C3orf18: variants seen among roughly 807,000 people sequenced by gnomAD.
The protein encoded by C3orf18 is uncharacterized protein C3orf18.
Under a neutral mutation model 14.1 loss-of-function variants are expected in C3orf18, and 12 were observed. That is an observed-to-expected ratio of 0.85 (90% confidence interval 0.55 to 1.38). The LOEUF (loss-of-function observed/expected upper bound fraction) is 1.38. Among genes scored for constraint, C3orf18 ranks in the 40% most tolerant of loss-of-function variants. The pLI, the probability that C3orf18 is intolerant of heterozygous loss-of-function variation, is 0.00. For missense variants in C3orf18, 196 were observed against 213.9 expected, an observed-to-expected ratio of 0.92 and a Z score of 0.52; for synonymous variants, 82 against 87.9, an observed-to-expected ratio of 0.93 and a Z score of 0.38.
chr3:50,571,330 A>G, upstream of C3orf18: 1 of 1,582,976 alleles, frequency 6.3e-7, no homozygotes, highest in Non-Finnish European at 8.6e-7. Context: ...TGGAGCCAAA[A>G]CAGTTAAGTT....
chr3:50,564,294 C>T (rs914945464), intron 3 of C3orf18, among the ~76,000 whole-genome samples: 17 of 152,240 alleles, frequency 1.1e-4, no homozygotes, highest in African/African-American at 4.1e-4. Context: ...TCCAGTGGTC[C>T]CTCAGTGACA....
At position 50,560,766 on chromosome 3, in the gene C3orf18, C is replaced by T. The variant is rs61455710; in HGVS notation, c.408+151G>A. On this transcript the variant is annotated intron_variant, in intron 5 of 5. Coordinates refer to ENST00000357203, the MANE Select transcript of C3orf18 (RefSeq NM_016210.5). ...GGGTGGCCCCAGAGCAATATGACCACTTTCTGAACAAATCTGGAAAAAGCC... is the reference window on the plus strand; with the variant it reads ...GGGTGGCCCCAGAGCAATATGACCATTTTCTGAACAAATCTGGAAAAAGCC... 6,120 of 894,140 alleles carry T rather than the reference C, an allele frequency of 6.8e-3. 279 individuals are homozygous for T. In the African/African-American group the frequency reaches 0.09, roughly 13 times the overall value. 55.4% of individuals were successfully genotyped at this position (894,140 alleles called of 1,614,324 possible). A position where few individuals can be genotyped will look rare whatever the true frequency, so the allele number is the denominator to read the frequency against.
At chr3:50,561,394 C>A (rs1356769488) in intron 4 of C3orf18, among the ~76,000 whole-genome samples, 1 of 152,146 alleles carries the variant, frequency 6.6e-6, no homozygotes, top group Non-Finnish European at 1.5e-5. Flanking sequence ...GACTGGGGAG[C>A]CAGTAGCAGT....
In C3orf18 at chr3:50,565,431, C is replaced by T. The variant is rs1381651532; in HGVS notation, c.234+35G>A. 2.0e-6 allele frequency: 3 copies of T among 1,471,778 alleles called. No homozygotes were observed. In the South Asian group the frequency reaches 3.4e-5, roughly 17 times the overall value. The allele number at this position is 1,471,778 out of a possible 1,614,324, so 91.2% of individuals were successfully genotyped here. ...ATTAGGTTCTCTATAAATCTAAACA[C>T]TGATTATCCTCCCCCAGCCTACCCC... On this transcript the variant is annotated intron_variant, in intron 3 of 5. Coordinates refer to ENST00000357203, the MANE Select transcript of C3orf18 (RefSeq NM_016210.5). This position sits in a 1 kb window ranked among gnomAD's most constrained non-coding sequence, Gnocchi z 4.4.
In C3orf18 at chr3:50,562,957, C is replaced by T. The variant is rs150764102; in HGVS notation, c.235-1210G>A. Reference sequence around the variant, plus strand: ...GTAAGACTTGGGGGACCACCTTGGGCGGGGAATCCAGGGACTTCTGCCATC... The same window carrying T: ...GTAAGACTTGGGGGACCACCTTGGGTGGGGAATCCAGGGACTTCTGCCATC... On this transcript the variant is annotated intron_variant, in intron 3 of 5. Transcript: ENST00000357203. 6.1e-3 allele frequency among the ~76,000 whole-genome samples: 933 copies of T among 152,186 alleles called. 5 individuals are homozygous for T. Among genetic ancestry groups the T allele is most frequent in the Non-Finnish European group, 0.01 (699 of 67,978 alleles).
At position 50,559,185 on chromosome 3, in the gene C3orf18, C is replaced by T. The variant is rs774959182; in HGVS notation, c.*472G>A. 37 of 1,289,880 alleles carry T rather than the reference C, an allele frequency of 2.9e-5. No individual in the cohort carries two copies. Among genetic ancestry groups the T allele is most frequent in the Admixed American group, 2.5e-4 (11 of 43,524 alleles). The allele number at this position is 1,289,880 out of a possible 1,614,324, so 79.9% of individuals were successfully genotyped here. On this transcript the variant is annotated 3_prime_UTR_variant, in exon 6 of 6. Coordinates refer to ENST00000357203, the MANE Select transcript of C3orf18 (RefSeq NM_016210.5). The stretch of plus-strand genomic sequence containing the variant: ...AGGGCCCATAACAGATGCTGCCCTA[C>T]CCTGTCCCTATAACTTGGGTGGTTT...
At chr3:50,563,380 A>G (rs1006757026) in intron 3 of C3orf18, among the ~76,000 whole-genome samples, 3 of 151,842 alleles carry the variant, frequency 2.0e-5, no homozygotes, top group Admixed American at 1.3e-4. Flanking sequence ...CCCTCCCCTG[A>G]GACCCTGGGA....
At position 50,565,406 on chromosome 3, in the gene C3orf18, A is replaced by G; in HGVS notation, c.234+60T>C. On this transcript the variant is annotated intron_variant, in intron 3 of 5. Transcript: ENST00000357203. This position sits in a 1 kb window ranked among gnomAD's most constrained non-coding sequence, Gnocchi z 4.4. ...CAACAACCAGATTGTCTTCTGATTG[A>G]TTAGGTTCTCTATAAATCTAAACAC... 1 of 1,257,402 alleles carries G rather than the reference A, an allele frequency of 8.0e-7. No homozygotes were observed. Among genetic ancestry groups the G allele is most frequent in the East Asian group, 2.5e-5 (1 of 40,704 alleles). The allele number at this position is 1,257,402 out of a possible 1,614,324, so 77.9% of individuals were successfully genotyped here.
At position 50,561,722 on chromosome 3, in the gene C3orf18, C is replaced by T; in HGVS notation, c.260G>A (p.Arg87Lys). 6.2e-7 allele frequency: 1 copy of T among 1,613,652 alleles called. No individual in the cohort carries two copies. Among genetic ancestry groups the T allele is most frequent in the Non-Finnish European group, 8.5e-7 (1 of 1,179,994 alleles). ...GATTTGGGTTTGGGTGGGGAATTAC[C>T]TCTTCTTCTTCCTGATGTACAAAAC... ...ALVLYIRKKK[R>K]LEKLRHQLMP... Residue 87 changes from arginine (R) to lysine (K), a missense_variant and splice_region_variant, in exon 4 of 6, where the codon AGG becomes AAG. Transcript: ENST00000357203.
intron 4 of C3orf18, among the ~76,000 whole-genome samples, 157 bp from the exon 5 acceptor site, chr3:50,561,221 G>A (rs757518600): frequency 3.3e-5 from 5 of 152,196 alleles, no homozygotes; most frequent in Admixed American, 6.5e-5. Context: ...AGACATTTTT[G>A]CACCTATAGT....
upstream of C3orf18, chr3:50,571,071 C>T (rs756836133): frequency 6.6e-7 from 1 of 1,509,376 alleles, no homozygotes; most frequent in Non-Finnish European, 9.0e-7. Flanking sequence ...GACTTGGGAA[C>T]CTGGAAGCAC....
intron 1 of C3orf18, among the ~76,000 whole-genome samples, chr3:50,566,969 G>A (rs1700346375): frequency 6.6e-6 from 1 of 152,154 alleles, no homozygotes; most frequent in African/African-American, 2.4e-5. Context: ...CTGGTTCATG[G>A]GCATTAGTGG....
upstream of C3orf18, among the ~76,000 whole-genome samples, chr3:50,568,883 C>T (rs1003380746): frequency 2.0e-5 from 3 of 152,346 alleles, no homozygotes; most frequent in South Asian, 6.2e-4. Context: ...GAGGTCCCAA[C>T]ACCTGGAGGA....
In C3orf18 at chr3:50,558,763, G is replaced by A. The variant is rs1655466571; in HGVS notation, c.*894C>T. 1 of 1,289,854 alleles carries A rather than the reference G, an allele frequency of 7.8e-7. No homozygotes were observed. Among genetic ancestry groups the A allele is most frequent in the South Asian group, 1.2e-5 (1 of 81,034 alleles). The allele number at this position is 1,289,854 out of a possible 1,614,324, so 79.9% of individuals were successfully genotyped here. A position where few individuals can be genotyped will look rare whatever the true frequency, so the allele number is the denominator to read the frequency against. ...TGCTGTGCGTGCTTCCCTCTTCCCT[G>A]CAGTCCCTGAAGATTGAAGGCAGAG... On this transcript the variant is annotated 3_prime_UTR_variant, in exon 6 of 6. Coordinates refer to ENST00000357203, the MANE Select transcript of C3orf18 (RefSeq NM_016210.5).
In C3orf18 at chr3:50,559,466, C is replaced by G. The variant is rs1699834887; in HGVS notation, c.*191G>C. Reference sequence around the variant, plus strand: ...CAGGAGAAGTCAGTGGTCAGAAGTCCAGCCTGGCTAGGGCCCTCTCTTAGA... The same window carrying G: ...CAGGAGAAGTCAGTGGTCAGAAGTCGAGCCTGGCTAGGGCCCTCTCTTAGA... On this transcript the variant is annotated 3_prime_UTR_variant, in exon 6 of 6. Coordinates refer to ENST00000357203, the MANE Select transcript of C3orf18 (RefSeq NM_016210.5). The G allele has an allele frequency of 7.1e-7, 1 of 1,416,714 alleles. No individual in the cohort carries two copies. Among genetic ancestry groups the G allele is most frequent in the Admixed American group, 3.0e-5 (1 of 32,882 alleles). 87.8% of individuals were successfully genotyped at this position (1,416,714 alleles called of 1,614,324 possible). A position where few individuals can be genotyped will look rare whatever the true frequency, so the allele number is the denominator to read the frequency against.
rs372204153 is a variant in C3orf18, at chr3:50,564,055, T to C, written c.234+1411A>G. 1.3e-3 allele frequency among the ~76,000 whole-genome samples: 197 copies of C among 152,382 alleles called. 4 individuals carry two copies. In the South Asian group the frequency reaches 0.039, roughly 30 times the overall value. ...TGCTTGCTGGCTGGCAGTTGCTCCCTGGCAGCAATCTGGAGCCTGTGGGGC... is the reference window on the plus strand; with the variant it reads ...TGCTTGCTGGCTGGCAGTTGCTCCCCGGCAGCAATCTGGAGCCTGTGGGGC... On this transcript the variant is annotated intron_variant, in intron 3 of 5. Transcript: ENST00000357203.
intron 4 of C3orf18, 38 bp from the exon 5 acceptor site, chr3:50,561,102 G>A (rs201723362): frequency 1.9e-6 from 3 of 1,599,244 alleles, no homozygotes; most frequent in South Asian, 2.2e-5. Context: ...GACAGGGCAG[G>A]CCCTTCCCCT....
chr3:50,566,018 C>A lies in C3orf18; in HGVS notation c.-175G>T. ...TTAGGACACATACTTTACGTATCTA[C>A]GGTGCCCCTGTTTTTGGGAACAAAA... is the stretch of plus-strand genomic sequence containing the variant. On this transcript the variant is annotated 5_prime_UTR_variant, in exon 2 of 6. Transcript: ENST00000357203. 1 of 277,232 alleles carries A rather than the reference C, an allele frequency of 3.6e-6. No homozygotes were observed. The highest frequency in any genetic ancestry group is 7.0e-5 in the South Asian group (1 of 14,254). The allele number at this position is 277,232 out of a possible 1,614,324, so 17.2% of individuals were successfully genotyped here.
At chr3:50,569,094 C>T (rs1019728535), upstream of C3orf18, 2 of 152,438 alleles carry the variant, frequency 1.3e-5, no homozygotes, top group African/African-American at 4.8e-5. Flanking sequence ...TAAGATAGAC[C>T]ACGCCCCCGG....
Sources: gnomAD v4.1 joint callset for allele counts (sites outside exome capture counted in the v4.1 genomes callset) on GRCh38, gnomAD v4.1.1 for gene constraint, Gnocchi (gnomAD v3.1) non-coding constraint, MANE v1.5 for transcripts, NCBI Gene and HGNC (gene_info 2026-07-23, HGNC 2026-07-21) for gene names.